The following PTER variants were observed in gnomAD, a reference collection of about 807,000 sequenced individuals.
The protein encoded by PTER is N-acetyltaurine hydrolase.
In PTER, 38 loss-of-function variants were observed where a neutral mutation model predicts 29.6. The observed-to-expected ratio is 1.28, with a 90% CI of 0.99 to 1.68. The LOEUF (loss-of-function observed/expected upper bound fraction) is 1.68. Among genes scored for constraint, PTER ranks in the 40% most tolerant of loss-of-function variants. The pLI is 0.00. For missense variants in PTER, 482 were observed against 427.8 expected (o/e 1.13, Z -1.12); for synonymous variants, 172 against 154.5 (o/e 1.11, Z -0.84).
At position 16,493,883 on chromosome 10, in the gene PTER, A is replaced by G. The variant is rs1835995577; in HGVS notation, c.698+7266A>G. ...GATAATTAATAATTAATTGTGGAGT[A>G]TTCCAGATTATACTATTTTGGGCAG... is the stretch of plus-strand genomic sequence containing the variant. On this transcript the variant is annotated intron_variant, in intron 3 of 4. Transcript: ENST00000535784. Among the ~76,000 whole-genome samples, 6 of 152,248 alleles carry G rather than the reference A, an allele frequency of 3.9e-5. No individual in the cohort carries two copies. The South Asian group carries it at 1.0e-3, about 26-fold the overall frequency.
At chr10:16,507,308 G>A (rs1225864633) in intron 4 of PTER, among the ~76,000 whole-genome samples, 1 of 151,696 alleles carries the variant, frequency 6.6e-6, no homozygotes, top group African/African-American at 2.4e-5. Context: ...AGTGGAAAAA[G>A]TAGAAAAATG....
At chr10:16,437,206 C>T (rs565821708) in intron 1 of PTER, among the ~76,000 whole-genome samples, 159 bp downstream of exon 1, 1 of 152,336 alleles carries the variant, frequency 6.6e-6, no homozygotes. Flanking sequence ...TTGGGCCCTG[C>T]CGCCTCTCCT....
At chr10:16,480,521 G>T (rs1432193186) in intron 1 of PTER, among the ~76,000 whole-genome samples, 7 of 152,102 alleles carry the variant, frequency 4.6e-5, no homozygotes, top group African/African-American at 1.4e-4. Context: ...ATTTAAAATT[G>T]TTAGACGAGT....
chr10:16,438,653 C>A (rs1171193091), intron 1 of PTER, among the ~76,000 whole-genome samples: 7 of 150,012 alleles, frequency 4.7e-5, no homozygotes, highest in Non-Finnish European at 8.9e-5. Context: ...TCAGGCCAGG[C>A]GCGGTGGCTC....
In PTER at chr10:16,511,233, A is replaced by G; in HGVS notation, c.1027A>G (p.Lys343Glu). Residue 343 changes from lysine to glutamate, a missense_variant, in exon 5 of 5, where the codon AAG becomes GAG. Physicochemically the swap from Lys to Glu is moderately conservative, Grantham distance 56. Coordinates refer to ENST00000535784, the MANE Select transcript of PTER (RefSeq NM_001261836.2). Reference sequence around the variant, plus strand: ...TGATAAGATTCTAATAGAGAACCCTAAGCAATGGCTAACTTTCAAATAGGA... The same window carrying G: ...TGATAAGATTCTAATAGAGAACCCTGAGCAATGGCTAACTTTCAAATAGGA... ...VLDKILIENP[K>E]QWLTFK The G allele has an allele frequency of 6.2e-7, 1 of 1,614,010 alleles. No homozygotes were observed. Among genetic ancestry groups the G allele is most frequent in the African/African-American group, 1.3e-5 (1 of 75,060 alleles).
rs1836838690 is a variant in PTER, at chr10:16,512,202, C to A, written c.*946C>A. The A allele has an allele frequency of 6.6e-6, 1 of 152,094 alleles. No individual in the cohort carries two copies. Among genetic ancestry groups the A allele is most frequent in the South Asian group, 2.1e-4 (1 of 4,828 alleles). The allele number at this position is 152,094 out of a possible 1,614,324, so 9.4% of individuals were successfully genotyped here. ...ATCTATTGGAAATGACAGCCCGATACTTGAGCCTCCTCTTTAAAAGGTATC... is the reference window on the plus strand; with the variant it reads ...ATCTATTGGAAATGACAGCCCGATAATTGAGCCTCCTCTTTAAAAGGTATC... On this transcript the variant is annotated 3_prime_UTR_variant, in exon 5 of 5. Transcript: ENST00000535784.
chr10:16,456,916 C>T (rs1834423958), intron 1 of PTER, among the ~76,000 whole-genome samples: 1 of 150,892 alleles, frequency 6.6e-6, no homozygotes, highest in Non-Finnish European at 1.5e-5. Flanking sequence ...CTCACAAGAT[C>T]TGATGATTTT....
rs868116035 is a variant in PTER at position 16,486,466 on chromosome 10, G to A, written c.547G>A (p.Val183Ile). The A allele has an allele frequency of 3.1e-6, 5 of 1,614,038 alleles. No homozygotes were observed. The Middle Eastern group carries it at 8.2e-4, about 266-fold the overall frequency. ...GCCTTTGACTGAGAGTGAAAGAAAG[G>A]TTCTCCAGGCCACAGCTCATGCCCA... ...SWPLTESERK[V>I]LQATAHAQAQ... The change falls in exon 3 of 5, where the codon GTT (valine) becomes ATT (isoleucine). Residue 183 changes from valine (V) to isoleucine (I), a missense_variant. Physicochemically the swap from Val to Ile is conservative, Grantham distance 29 (BLOSUM62 3). Transcript: ENST00000535784.
At chr10:16,481,758 G>A (rs1835488424) in intron 1 of PTER, among the ~76,000 whole-genome samples, 1 of 152,142 alleles carries the variant, frequency 6.6e-6, no homozygotes, top group Non-Finnish European at 1.5e-5. Context: ...AGCAAAAGTG[G>A]TAGCATTTTA....
intron 4 of PTER, among the ~76,000 whole-genome samples, chr10:16,508,314 C>T (rs374963644): frequency 7.9e-5 from 12 of 152,164 alleles, no homozygotes; most frequent in East Asian, 3.9e-4. Context: ...GTGATCCGCC[C>T]GCCTCGGCCT....
chr10:16,463,129 G>A (rs973777283), intron 1 of PTER, among the ~76,000 whole-genome samples: 2 of 149,440 alleles, frequency 1.3e-5, no homozygotes, highest in African/African-American at 4.9e-5. Context: ...GGAGGCGGAG[G>A]TTGCAGTGAG....
At chr10:16,451,687 G>A (rs987147352) in intron 1 of PTER, among the ~76,000 whole-genome samples, 4 of 152,122 alleles carry the variant, frequency 2.6e-5, no homozygotes, top group Admixed American at 2.6e-4. Flanking sequence ...ACTCCAGCCT[G>A]CACAACAGAG....
rs549591551 is a variant in PTER, at chr10:16,472,040, C to T, written c.-48-12297C>T. 7.9e-5 allele frequency among the ~76,000 whole-genome samples: 12 copies of T among 152,218 alleles called. No homozygotes were observed. The South Asian group carries it at 1.5e-3, about 18-fold the overall frequency. ...CTATTTTCACAAATGAGTCAATGAA[C>T]GGGCTGGATTTGTTGTAACTGTCTC... On this transcript the variant is annotated intron_variant, in intron 1 of 4. Coordinates refer to ENST00000535784, the MANE Select transcript of PTER (RefSeq NM_001261836.2).
At chr10:16,442,627 G>T (rs754717766) in intron 1 of PTER, among the ~76,000 whole-genome samples, 2 of 152,026 alleles carry the variant, frequency 1.3e-5, no homozygotes, top group Non-Finnish European at 2.9e-5. Context: ...ATAAGAATTA[G>T]GTTGACTTGC....
At chr10:16,437,428 T>A (rs1195490214) in intron 1 of PTER, 1 of 149,862 alleles carries the variant, frequency 6.7e-6, no homozygotes, top group South Asian at 2.1e-4. Flanking sequence ...AGCCTCGACC[T>A]CCTGAGCTCA....
At position 16,499,334 on chromosome 10, in the gene PTER, A is replaced by G. The variant is rs564735257; in HGVS notation, c.699-5686A>G. On this transcript the variant is annotated intron_variant, in intron 3 of 4. Transcript: ENST00000535784. ...TTTGAAAACCTGTGTGATCACTCAC[A>G]CTATTTTCTTCCCCTGAATTTTGCA... Among the ~76,000 whole-genome samples the G allele has an allele frequency of 9.5e-4, 145 of 152,306 alleles. 1 individual carries two copies. Among genetic ancestry groups the G allele is most frequent in the African/African-American group, 3.2e-3 (134 of 41,578 alleles).
At chr10:16,510,838 A>G (rs559018854) in intron 4 of PTER, among the ~76,000 whole-genome samples, 2 of 152,316 alleles carry the variant, frequency 1.3e-5, no homozygotes, top group South Asian at 4.1e-4. Flanking sequence ...TTCTGTATGC[A>G]TGGAATAAGG....
chr10:16,493,656 T>C (rs1290471428), intron 3 of PTER, among the ~76,000 whole-genome samples: 1 of 148,212 alleles, frequency 6.7e-6, no homozygotes, highest in African/African-American at 2.5e-5. Context: ...TCTCTCAACA[T>C]GCAGAACGTA....
chr10:16,455,946 C>G (rs1052981891), intron 1 of PTER, among the ~76,000 whole-genome samples: 5 of 151,380 alleles, frequency 3.3e-5, no homozygotes, highest in African/African-American at 1.2e-4. Context: ...AGTGTTATTA[C>G]TTTTTTTTTG....
Sources: gnomAD v4.1 joint callset for allele counts (sites outside exome capture counted in the v4.1 genomes callset) on GRCh38, gnomAD v4.1.1 for gene constraint, MANE v1.5 for transcripts, NCBI Gene and HGNC (gene_info 2026-07-23, HGNC 2026-07-21) for gene names.